Variants in MAP3K5 observed in about 807,000 individuals in gnomAD.
The protein encoded by MAP3K5 is mitogen-activated protein kinase kinase kinase 5, also known as ASK-1.
In MAP3K5, 56 loss-of-function variants were observed where a neutral mutation model predicts 158.7. The observed-to-expected ratio is 0.35, with a 90% CI of 0.28 to 0.44. The LOEUF is 0.44. Ranked by LOEUF, MAP3K5 falls within the 20% of genes least tolerant of loss-of-function variation. The pLI, the probability that MAP3K5 is intolerant of heterozygous loss-of-function variation, is 1.00. For missense variants in MAP3K5, 1,294 were observed against 1,674.8 expected, an observed-to-expected ratio of 0.77 and a Z score of 3.97; for synonymous variants, 579 against 601.7, an observed-to-expected ratio of 0.96 and a Z score of 0.55.
At chr6:136,577,211 T>A (rs1459089959) in intron 25 of MAP3K5, among the ~76,000 whole-genome samples, 4 of 152,200 alleles carry the variant, frequency 2.6e-5, no homozygotes, top group Non-Finnish European at 5.9e-5. Context: ...CCGTCTGTTT[T>A]TCATGTAATT....
chr6:136,594,873 C>T (rs1215255102), intron 21 of MAP3K5, among the ~76,000 whole-genome samples: 1 of 151,866 alleles, frequency 6.6e-6, no homozygotes, highest in Non-Finnish European at 1.5e-5. Context: ...TTGAATTATC[C>T]TGTATTTTGG....
chr6:136,628,475 T>TA lies in MAP3K5; in HGVS notation c.2017-5495_2017-5494insT, dbSNP rs1777151065. Among the ~76,000 whole-genome samples the TA allele has an allele frequency of 1.3e-5, 2 of 151,884 alleles. 1 individual carries two copies. Among genetic ancestry groups the TA allele is most frequent in the South Asian group, 4.2e-4 (2 of 4,814 alleles). ...CCAGGCTGGACTCAAAGTCCTGGGC[T>TA]CAAGTGATCCTCCCAAATAGCTGGG... On this transcript the variant is annotated intron_variant, in intron 14 of 29. Coordinates refer to ENST00000359015, the MANE Select transcript of MAP3K5 (RefSeq NM_005923.4).
intron 7 of MAP3K5, among the ~76,000 whole-genome samples, chr6:136,677,795 C>A (rs1372180027): frequency 6.6e-6 from 1 of 152,186 alleles, no homozygotes; most frequent in Non-Finnish European, 1.5e-5. Context: ...AACAATAATA[C>A]AACAGCATAG....
intron 7 of MAP3K5, among the ~76,000 whole-genome samples, chr6:136,693,663 G>A (rs990939766): frequency 6.6e-6 from 1 of 151,364 alleles, no homozygotes; most frequent in East Asian, 1.9e-4. Flanking sequence ...ACTATACTAT[G>A]TTAAATGAAT....
chr6:136,641,161 A>G (rs1187146692), intron 12 of MAP3K5, among the ~76,000 whole-genome samples: 1 of 152,218 alleles, frequency 6.6e-6, no homozygotes, highest in Non-Finnish European at 1.5e-5. Flanking sequence ...GTTTTATTTG[A>G]GAAAGTATCG....
At chr6:136,639,185 T>C (rs1484609697) in intron 13 of MAP3K5, among the ~76,000 whole-genome samples, 1 of 152,146 alleles carries the variant, frequency 6.6e-6, no homozygotes, top group Non-Finnish European at 1.5e-5. Context: ...AGAGGTACTA[T>C]TGTAGATAAT....
At chr6:136,649,564 A>G (rs1410827619) in intron 11 of MAP3K5, among the ~76,000 whole-genome samples, 1 of 152,180 alleles carries the variant, frequency 6.6e-6, no homozygotes, top group African/African-American at 2.4e-5. Context: ...GATCCAGGGT[A>G]TTGCAGATAA....
In MAP3K5 at chr6:136,557,675, C is replaced by G; in HGVS notation, c.*83G>C. ...ATTTAAAGTGCAGCGCCTTTCTCCT[C>G]TCCCTTCGATTTTCCCACCCCCAAG... On this transcript the variant is annotated 3_prime_UTR_variant, in exon 30 of 30. Transcript: ENST00000359015. 2.1e-6 allele frequency: 2 copies of G among 933,242 alleles called. No homozygotes were observed. The highest frequency in any genetic ancestry group is 3.5e-6 in the Non-Finnish European group (2 of 570,686). The allele number at this position is 933,242 out of a possible 1,614,324, so 57.8% of individuals were successfully genotyped here.
intron 2 of MAP3K5, 35 bp downstream of exon 2, chr6:136,720,415 G>T (rs753046687): frequency 6.5e-7 from 1 of 1,531,460 alleles, no homozygotes; most frequent in South Asian, 1.3e-5. Flanking sequence ...AAATGCTGAT[G>T]TTAAAATGAA....
intron 21 of MAP3K5, among the ~76,000 whole-genome samples, chr6:136,593,954 A>C (rs544271382): frequency 5.8e-4 from 88 of 152,328 alleles, no homozygotes; most frequent in African/African-American, 2.0e-3. Flanking sequence ...GAAAGACGGA[A>C]GTACATACAG....
chr6:136,724,248 C>CT (rs1213577934), intron 1 of MAP3K5, among the ~76,000 whole-genome samples: 1,987 of 134,630 alleles, frequency 0.015, 35 homozygotes, highest in East Asian at 0.062. Context: ...GAGAAACTGA[C>CT]TTTTTTTTTT....
At chr6:136,729,516 A>G (rs576444349) in intron 1 of MAP3K5, among the ~76,000 whole-genome samples, 1 of 152,380 alleles carries the variant, frequency 6.6e-6, no homozygotes, top group East Asian at 1.9e-4. Flanking sequence ...TGAGCAATGT[A>G]TCATTAAAAT....
Position 136,594,027 on chromosome 6 carries a change from C to G in MAP3K5, c.2879-1413G>C, listed in dbSNP as rs1466452306. 2.0e-5 allele frequency among the ~76,000 whole-genome samples: 3 copies of G among 152,170 alleles called. No individual in the cohort carries two copies. The East Asian group carries it at 5.8e-4, about 29-fold the overall frequency. On this transcript the variant is annotated intron_variant, in intron 21 of 29. Transcript: ENST00000359015. ...CTGGTCAGTAACTGGAAAGTCTCCC[C>G]AGGATGAATTGGTTGACTTATCTGC...
At chr6:136,647,056 T>C (rs1304719509) in intron 11 of MAP3K5, among the ~76,000 whole-genome samples, 1 of 152,252 alleles carries the variant, frequency 6.6e-6, no homozygotes, top group Non-Finnish European at 1.5e-5. Flanking sequence ...GATTAAGTTG[T>C]ATACTTTTCT....
intron 11 of MAP3K5, among the ~76,000 whole-genome samples, chr6:136,648,232 T>C (rs1286871999): frequency 6.6e-6 from 1 of 152,208 alleles, no homozygotes; most frequent in South Asian, 2.1e-4. Flanking sequence ...AATTGACACT[T>C]CTAATAATGA....
chr6:136,738,057 C>T (rs1050737404), intron 1 of MAP3K5, among the ~76,000 whole-genome samples: 1 of 152,138 alleles, frequency 6.6e-6, no homozygotes, highest in African/African-American at 2.4e-5. Context: ...ACACCACCAC[C>T]CACCGAATGA....
chr6:136,700,690 G>A (rs1780813780), intron 3 of MAP3K5, among the ~76,000 whole-genome samples: 1 of 152,186 alleles, frequency 6.6e-6, no homozygotes, highest in African/African-American at 2.4e-5. Flanking sequence ...ATGTGAAAAT[G>A]TCCAAAAGAG....
Position 136,567,704 on chromosome 6 carries a change from C to G in MAP3K5, c.3688G>C (p.Val1230Leu). Residue 1230 changes from valine (V) to leucine (L), a missense_variant, in exon 26 of 30, where the codon GTG (valine) becomes CTG (leucine). This residue lies in a region of MAP3K5 where 199 missense variants were observed against 220.3 expected (regional missense o/e 0.90). Transcript: ENST00000359015. The part of the protein sequence containing the change: ...TSGVSTLSST[V>L]SHDSQSAHRS... ...TGAGCACTCTGGGAATCATGAGACA[C>G]AGTAGAACTGAGCGTGCTCACGCCT... 2 of 1,614,154 alleles carry G rather than the reference C, an allele frequency of 1.2e-6. No individual in the cohort carries two copies. The highest frequency in any genetic ancestry group is 1.1e-5 in the South Asian group (1 of 91,088).
intron 13 of MAP3K5, 34 bp from the exon 14 acceptor site, chr6:136,637,440 C>T (rs762509127): frequency 1.7e-6 from 2 of 1,188,026 alleles, no homozygotes; most frequent in South Asian, 1.2e-5. Context: ...GCATTCATAA[C>T]ACAAACAATA....
Sources: allele counts gnomAD v4.1 joint callset (sites outside exome capture counted in the v4.1 genomes callset), GRCh38; gene constraint gnomAD v4.1.1; regional missense constraint gnomAD v4.1.1; transcripts MANE v1.5; gene names NCBI Gene and HGNC (gene_info 2026-07-23, HGNC 2026-07-21).